The following ADH5 variants were observed in gnomAD, a reference collection of about 807,000 sequenced individuals.
ADH5 encodes the protein alcohol dehydrogenase 5 (class III), chi polypeptide.
A neutral mutation model predicts 40.3 loss-of-function variants in ADH5; 32 were observed. That is an observed-to-expected ratio of 0.79 (90% CI 0.60 to 1.07). The LOEUF (loss-of-function observed/expected upper bound fraction) is 1.07. ADH5 is among the 50% of genes least tolerant of loss of function. The pLI is 0.00. For missense variants in ADH5, 353 were observed against 460.5 expected (o/e 0.77, Z 2.14); for synonymous variants, 125 against 154.3 (o/e 0.81, Z 1.41).
intron 6 of ADH5, chr4:99,076,033 G>C (rs965435091): frequency 2.3e-6 from 1 of 432,432 alleles, no homozygotes; most frequent in African/African-American, 2.0e-5. Flanking sequence ...CTGCACAACT[G>C]CTTTATTCTG....
intron 8 of ADH5, 64 bp downstream of exon 8, chr4:99,072,509 A>C: frequency 6.2e-7 from 1 of 1,609,240 alleles, no homozygotes; most frequent in South Asian, 1.1e-5. Flanking sequence ...GTGTTTTTCG[A>C]CTCTCCATCC....
At chr4:99,076,241 C>T (rs760878534) in intron 6 of ADH5, 51 bp downstream of exon 6, 6 of 1,576,444 alleles carry the variant, frequency 3.8e-6, no homozygotes, top group Admixed American at 1.8e-5. Context: ...TAAAACTGCA[C>T]TTCAAAAAAA....
intron 4 of ADH5, among the ~76,000 whole-genome samples, chr4:99,079,383 G>C (rs186534989): frequency 6.6e-6 from 1 of 151,798 alleles, no homozygotes; most frequent in East Asian, 1.9e-4. Context: ...AAAGAAACCT[G>C]ACAAAAGAGC....
Position 99,076,281 on chromosome 4 carries a change from C to T in ADH5, c.825+11G>A. 1 of 1,613,656 alleles carries T rather than the reference C, an allele frequency of 6.2e-7. No individual in the cohort carries two copies. The highest frequency in any genetic ancestry group is 8.5e-7 in the Non-Finnish European group (1 of 1,179,626). On this transcript the variant is annotated intron_variant, in intron 6 of 8. Transcript: ENST00000296412. ...TTCCATAAACTAAAAAGGAATGAAG[C>T]CCATACTCACCATGACCTTCACATT... is the stretch of plus-strand genomic sequence containing the variant.
chr4:99,083,092 C>A lies in ADH5; in HGVS notation c.115-976G>T, dbSNP rs560301645. ...ACTTACAACGTAACAATCTTTGCTACCTGTCTGCAGTTTTGCAGGGAAGAT... is the reference window on the plus strand; with the variant it reads ...ACTTACAACGTAACAATCTTTGCTAACTGTCTGCAGTTTTGCAGGGAAGAT... On this transcript the variant is annotated intron_variant, in intron 2 of 8. Coordinates refer to ENST00000296412, the MANE Select transcript of ADH5 (RefSeq NM_000671.4). Among the ~76,000 whole-genome samples the A allele has an allele frequency of 2.6e-5, 4 of 152,286 alleles. No homozygotes were observed. In the South Asian group the frequency reaches 8.3e-4, roughly 32 times the overall value.
At chr4:99,085,260 CAAGT>C in intron 1 of ADH5, 44 bp from the exon 2 acceptor site, 1 of 975,684 alleles carries the variant, frequency 1.0e-6, no homozygotes, top group Non-Finnish European at 1.5e-6. Flanking sequence ...TCCTCCTAAA[CAAGT>C]AACTACTTAA....
intron 7 of ADH5, 56 bp from the exon 8 acceptor site, chr4:99,072,767 T>G: frequency 6.6e-7 from 1 of 1,523,434 alleles, no homozygotes. Flanking sequence ...TGCTTGTTAC[T>G]TAGCTGAGGA....
At chr4:99,081,251 C>T in intron 4 of ADH5, 114 bp downstream of exon 4, 1 of 697,022 alleles carries the variant, frequency 1.4e-6, no homozygotes, top group Non-Finnish European at 2.4e-6. Context: ...GTTAATCCGA[C>T]TGGGTTAATG....
chr4:99,085,656 A>C (rs1483999524), intron 1 of ADH5: 1 of 302,340 alleles, frequency 3.3e-6, no homozygotes, highest in Non-Finnish European at 6.7e-6. Context: ...AAGGAGGATT[A>C]GGAGTGTAAC....
At chr4:99,075,164 C>A in intron 6 of ADH5, 115 bp from the exon 7 acceptor site, 1 of 850,392 alleles carries the variant, frequency 1.2e-6, no homozygotes, top group Non-Finnish European at 1.7e-6. Context: ...AACAAAAGGC[C>A]AAACTTAACA....
chr4:99,076,020 G>A (rs1219126929), intron 6 of ADH5: 1 of 372,756 alleles, frequency 2.7e-6, no homozygotes, highest in Non-Finnish European at 4.9e-6. Flanking sequence ...CAAAGATCAT[G>A]CTCTGCACAA....
At chr4:99,078,786 T>C (rs569597469) in intron 4 of ADH5, among the ~76,000 whole-genome samples, 36 of 152,200 alleles carry the variant, frequency 2.4e-4, no homozygotes, top group African/African-American at 8.7e-4. Context: ...TCCAGAGGAG[T>C]TTCTTGAACA....
At position 99,071,278 on chromosome 4, in the gene ADH5, C is replaced by T. The variant is rs1468917449; in HGVS notation, c.*1139G>A. The T allele has an allele frequency of 6.6e-6, 1 of 152,186 alleles. No homozygotes were observed. Among genetic ancestry groups the T allele is most frequent in the African/African-American group, 2.4e-5 (1 of 41,444 alleles). The allele number at this position is 152,186 out of a possible 1,614,324, so 9.4% of individuals were successfully genotyped here. The stretch of plus-strand genomic sequence containing the variant: ...CATACTCATGTAATTCACAAAAACT[C>T]ACATTTACTTTGAAGAGCAATTTGG... On this transcript the variant is annotated 3_prime_UTR_variant, in exon 9 of 9. Transcript: ENST00000296412.
chr4:99,075,109 G>A, intron 6 of ADH5, 60 bp from the exon 7 acceptor site: 2 of 1,404,778 alleles, frequency 1.4e-6, no homozygotes, highest in Non-Finnish European at 1.9e-6. Flanking sequence ...GAGAACAACT[G>A]CTGGCGAAAC....
chr4:99,076,014 G>T (rs980176477), intron 6 of ADH5: 2 of 342,994 alleles, frequency 5.8e-6, no homozygotes, highest in Non-Finnish European at 1.1e-5. Flanking sequence ...TGATTCCAAA[G>T]ATCATGCTCT....
Position 99,075,060 on chromosome 4 carries a change from A to G in ADH5, c.826-11T>C. 1 of 1,594,062 alleles carries G rather than the reference A, an allele frequency of 6.3e-7. No homozygotes were observed. The highest frequency in any genetic ancestry group is 8.6e-7 in the Non-Finnish European group (1 of 1,168,624). ...CTCAAGTGCTGCTCTCTGCAGGCAC[A>G]GAGATATGACCAAATCACAGAAGTC... On this transcript the variant is annotated splice_polypyrimidine_tract_variant and intron_variant, in intron 6 of 8. Coordinates refer to ENST00000296412, the MANE Select transcript of ADH5 (RefSeq NM_000671.4).
At chr4:99,079,332 G>A (rs1333525905) in intron 4 of ADH5, among the ~76,000 whole-genome samples, 3 of 151,300 alleles carry the variant, frequency 2.0e-5, no homozygotes, top group East Asian at 3.9e-4. Context: ...AACTACTGAC[G>A]CATATGCAGC....
chr4:99,084,053 A>G (rs28730584), intron 2 of ADH5, among the ~76,000 whole-genome samples: 10,962 of 152,190 alleles, frequency 0.072, 626 homozygotes, highest in African/African-American at 0.17. Flanking sequence ...TCATTTGCTT[A>G]TTACTCTATT....
intron 2 of ADH5, among the ~76,000 whole-genome samples, chr4:99,082,815 T>C (rs1041069176): frequency 6.6e-6 from 1 of 152,302 alleles, no homozygotes; most frequent in African/African-American, 2.4e-5. Flanking sequence ...TAGCTGGGAC[T>C]GCAGGCGCGT....
Sources: allele counts gnomAD v4.1 joint callset (sites outside exome capture counted in the v4.1 genomes callset), GRCh38; gene constraint gnomAD v4.1.1; transcripts MANE v1.5; gene names NCBI Gene and HGNC (gene_info 2026-07-23, HGNC 2026-07-21).